Variants in INPP4B observed in about 807,000 individuals in gnomAD.
INPP4B encodes the protein inositol polyphosphate 4-phosphatase type II.
A neutral mutation model predicts 122.5 loss-of-function variants in INPP4B; 55 were observed. The observed-to-expected ratio is 0.45, with a 90% CI of 0.36 to 0.56. The LOEUF is 0.56. INPP4B is among the 20% of genes least tolerant of loss of function. The pLI is 0.00. For missense variants in INPP4B, 1,000 were observed against 1,097.7 expected (o/e 0.91, Z 1.26); for synonymous variants, 403 against 388.7 (o/e 1.04, Z -0.43).
intron 1 of INPP4B, among the ~76,000 whole-genome samples, chr4:142,824,661 C>A (rs1781229836): frequency 6.6e-6 from 1 of 152,028 alleles, no homozygotes; most frequent in African/African-American, 2.4e-5. Context: ...GTCATAGCAA[C>A]CTCAACTCTG....
At chr4:142,082,875 C>T (rs1233870261) in intron 24 of INPP4B, among the ~76,000 whole-genome samples, 1 of 152,120 alleles carries the variant, frequency 6.6e-6, no homozygotes, top group Non-Finnish European at 1.5e-5. Flanking sequence ...GCCTGTAATC[C>T]TAACACTTTG....
chr4:142,376,562 C>G (rs1290285035), intron 7 of INPP4B, among the ~76,000 whole-genome samples: 1 of 152,032 alleles, frequency 6.6e-6, no homozygotes, highest in African/African-American at 2.4e-5. Flanking sequence ...CTCTAGACAC[C>G]TGTGGACACT....
At chr4:142,100,138 T>C (rs1475392374) in intron 23 of INPP4B, among the ~76,000 whole-genome samples, 2 of 152,170 alleles carry the variant, frequency 1.3e-5, no homozygotes, top group Admixed American at 6.6e-5. Context: ...CATTTCTGTA[T>C]GTACCATTCC....
intron 2 of INPP4B, among the ~76,000 whole-genome samples, chr4:142,537,429 TAGAGAGAG>T (rs1157643466): frequency 0.062 from 1,574 of 25,262 alleles, 62 homozygotes; most frequent in East Asian, 0.16. Context: ...TATATATATA[TAGAGAGAG>T]AGAGAGAGAG....
chr4:142,248,395 T>G (rs995983601), intron 11 of INPP4B, among the ~76,000 whole-genome samples: 18 of 142,790 alleles, frequency 1.3e-4, no homozygotes, highest in Admixed American at 1.1e-3. Context: ...TGGAGTCCAG[T>G]GGCATGATCT....
chr4:142,552,982 C>T (rs1264767450), intron 2 of INPP4B, among the ~76,000 whole-genome samples: 2 of 152,168 alleles, frequency 1.3e-5, no homozygotes, highest in African/African-American at 4.8e-5. Flanking sequence ...TTATGCAAGA[C>T]ACAATAGACA....
chr4:142,484,478 C>G (rs1187015547), intron 2 of INPP4B, among the ~76,000 whole-genome samples: 1 of 151,924 alleles, frequency 6.6e-6, no homozygotes. Context: ...CAATGAAACA[C>G]TAGAATTAGA....
At chr4:142,707,598 A>G (rs1055706564) in intron 2 of INPP4B, among the ~76,000 whole-genome samples, 1 of 152,224 alleles carries the variant, frequency 6.6e-6, no homozygotes, top group Non-Finnish European at 1.5e-5. Flanking sequence ...CTCTAGCCAC[A>G]TAACATGTAC....
chr4:142,771,509 ATGG>A (rs2151000624), intron 1 of INPP4B, among the ~76,000 whole-genome samples: 1 of 152,248 alleles, frequency 6.6e-6, no homozygotes, highest in Non-Finnish European at 1.5e-5. Context: ...GTAAGAGATG[ATGG>A]TGGCTTGGAA....
At chr4:142,334,122 T>C (rs1395311225) in intron 7 of INPP4B, among the ~76,000 whole-genome samples, 1 of 152,198 alleles carries the variant, frequency 6.6e-6, no homozygotes, top group African/African-American at 2.4e-5. Flanking sequence ...AGTATTTGTC[T>C]TTCTCTGTCT....
chr4:142,720,801 C>CTATATATATATA (rs1323800095), intron 2 of INPP4B, among the ~76,000 whole-genome samples: 16 of 22,350 alleles, frequency 7.2e-4, no homozygotes, highest in South Asian at 2.5e-3. Context: ...CTCTCTCTCT[C>CTATATATATATA]TCTCTCTCTA....
intron 2 of INPP4B, among the ~76,000 whole-genome samples, chr4:142,472,325 A>G (rs1020810605): frequency 3.4e-5 from 3 of 89,080 alleles, no homozygotes; most frequent in East Asian, 5.3e-4. Context: ...TCATTGTAGG[A>G]AAAAAAAAAA....
At chr4:142,247,407 T>C (rs980045859) in intron 11 of INPP4B, among the ~76,000 whole-genome samples, 17 of 152,164 alleles carry the variant, frequency 1.1e-4, no homozygotes, top group African/African-American at 4.1e-4. Flanking sequence ...AATTTGGCTA[T>C]GAATCAGACT....
chr4:142,442,435 G>C (rs963817553), intron 3 of INPP4B, among the ~76,000 whole-genome samples: 1 of 133,660 alleles, frequency 7.5e-6, no homozygotes, highest in African/African-American at 2.7e-5. Context: ...AAAAAAGAGA[G>C]AGAAGAAAAA....
intron 3 of INPP4B, among the ~76,000 whole-genome samples, 168 bp from the exon 4 acceptor site, chr4:142,431,553 T>C (rs750166949): frequency 7.2e-5 from 11 of 152,084 alleles, no homozygotes; most frequent in Non-Finnish European, 1.6e-4. Flanking sequence ...AAAGTCTAGG[T>C]TTAATAGGTA....
intron 6 of INPP4B, 47 bp downstream of exon 6, chr4:142,405,131 GAGAGAGAGCAAGAGCGAGCGAGCCAGCA>G: frequency 1.2e-6 from 1 of 802,560 alleles, no homozygotes; most frequent in Non-Finnish European, 2.1e-6. Flanking sequence ...GGGGGAGGGA[GAGAGAGAGCAAGAGCGAGCGAGCCAGCA>G]AGAGAGAGAG....
chr4:142,683,367 C>T (rs1456748777), intron 2 of INPP4B, among the ~76,000 whole-genome samples: 1 of 151,786 alleles, frequency 6.6e-6, no homozygotes, highest in African/African-American at 2.4e-5. Context: ...TGGGAGGTCA[C>T]TGGTGTACAA....
intron 2 of INPP4B, among the ~76,000 whole-genome samples, chr4:142,492,867 G>A (rs1234965693): frequency 6.6e-6 from 1 of 152,166 alleles, no homozygotes; most frequent in Admixed American, 6.6e-5. Flanking sequence ...AGACAATGAG[G>A]AAAATGTCTC....
At chr4:142,110,066 A>G (rs1407248354) in intron 22 of INPP4B, among the ~76,000 whole-genome samples, 3 of 152,194 alleles carry the variant, frequency 2.0e-5, no homozygotes, top group African/African-American at 7.2e-5. Flanking sequence ...GAGTAACATT[A>G]GTGTTATGGA....
Sources: allele counts gnomAD v4.1 joint callset (sites outside exome capture counted in the v4.1 genomes callset), GRCh38; gene constraint gnomAD v4.1.1; transcripts MANE v1.5; gene names NCBI Gene and HGNC (gene_info 2026-07-23, HGNC 2026-07-21).